Variants in VDR observed in about 807,000 individuals in gnomAD.
The protein encoded by VDR is vitamin D3 receptor.
A neutral mutation model predicts 39.7 loss-of-function variants in VDR; 19 were observed. That is an observed-to-expected ratio of 0.48 (90% CI 0.33 to 0.70). VDR has a LOEUF of 0.70. Among genes scored for constraint, VDR ranks in the 30% least tolerant of loss-of-function variants. The pLI is 0.02. For synonymous variants in VDR, 242 were observed against 215.8 expected (o/e 1.12, Z -1.07); for missense variants, 442 against 570.5 (o/e 0.77, Z 2.29).
intron 3 of VDR, among the ~76,000 whole-genome samples, chr12:47,875,733 C>T (rs932428617): frequency 1.3e-5 from 2 of 152,198 alleles, no homozygotes; most frequent in African/African-American, 4.8e-5. Context: ...GGAGGAAACA[C>T]AGGGTGAGGT....
At chr12:47,872,345 G>A (rs1369666543) in intron 3 of VDR, among the ~76,000 whole-genome samples, 1 of 152,216 alleles carries the variant, frequency 6.6e-6, no homozygotes, top group Non-Finnish European at 1.5e-5. Flanking sequence ...AGGGAAAGAA[G>A]AGAAACTAGC....
chr12:47,859,900 TC>T (rs1945580231), intron 4 of VDR, among the ~76,000 whole-genome samples: 10 of 40,436 alleles, frequency 2.5e-4, no homozygotes, highest in African/African-American at 6.4e-4. Flanking sequence ...CTTCCTTCCT[TC>T]CTTCCTTCCT....
intron 1 of VDR, among the ~76,000 whole-genome samples, chr12:47,885,380 C>T (rs927550014): frequency 1.3e-5 from 2 of 152,256 alleles, no homozygotes; most frequent in Non-Finnish European, 2.9e-5. Flanking sequence ...CTCTCCTACA[C>T]GTCTGCCTGT....
Position 47,873,351 on chromosome 12 carries a change from CTTTT to C in VDR, c.146+5613_146+5616del, listed in dbSNP as rs71077177. 6.1e-5 allele frequency among the ~76,000 whole-genome samples: 6 copies of C among 98,454 alleles called. No individual in the cohort carries two copies. In the East Asian group the frequency reaches 1.3e-3, roughly 21 times the overall value. The allele number at this position is 98,454 out of a possible 152,430, so 64.6% of individuals were successfully genotyped here. On this transcript the variant is annotated intron_variant, in intron 3 of 9. Coordinates refer to ENST00000549336, the MANE Select transcript of VDR (RefSeq NM_000376.3). ...ACCATGAGTCAATTAAACCTGTTTTCTTTTTTTTTTTTTTTTTTTTTTTTTTTTT... is the reference window on the plus strand; with the variant it reads ...ACCATGAGTCAATTAAACCTGTTTTCTTTTTTTTTTTTTTTTTTTTTTTTT...
At chr12:47,862,286 A>G (rs2137159202) in intron 4 of VDR, among the ~76,000 whole-genome samples, 1 of 152,324 alleles carries the variant, frequency 6.6e-6, no homozygotes, top group East Asian at 1.9e-4. Flanking sequence ...CTCTTAGAGC[A>G]TGTGAAAGTG....
intron 1 of VDR, among the ~76,000 whole-genome samples, chr12:47,891,831 T>A (rs1030422952): frequency 6.6e-6 from 1 of 152,202 alleles, no homozygotes; most frequent in African/African-American, 2.4e-5. Flanking sequence ...TAGTGGGACC[T>A]GAAGCTTGAC....
chr12:47,846,126 C>T (rs984559332), intron 9 of VDR, among the ~76,000 whole-genome samples: 10 of 152,260 alleles, frequency 6.6e-5, no homozygotes, highest in African/African-American at 2.4e-4. Context: ...CGCCTGCACA[C>T]TCTGCAAGGC....
chr12:47,857,472 G>C (rs368556619), intron 5 of VDR, 32 bp downstream of exon 5: 3 of 1,613,946 alleles, frequency 1.9e-6, no homozygotes, highest in Non-Finnish European at 2.5e-6. Context: ...TTCTCCTCTG[G>C]ACCGGCTCAT....
chr12:47,859,921 CTTTTTCTTTCTTTCTTTCT>C (rs1945587486), intron 4 of VDR, among the ~76,000 whole-genome samples: 40 of 67,618 alleles, frequency 5.9e-4, no homozygotes, highest in East Asian at 7.7e-4. Context: ...TTCCTTCTTT[CTTTTTCTTTCTTTCTTTCT>C]TTCTTTCTTT....
intron 3 of VDR, among the ~76,000 whole-genome samples, chr12:47,873,259 C>T (rs1385398268): frequency 6.6e-6 from 1 of 151,856 alleles, no homozygotes; most frequent in East Asian, 1.9e-4. Flanking sequence ...CCATGTAAGA[C>T]AGGCCTTGCT....
chr12:47,849,544 G>A (rs1256632871), intron 7 of VDR, among the ~76,000 whole-genome samples: 1 of 152,184 alleles, frequency 6.6e-6, no homozygotes, highest in Non-Finnish European at 1.5e-5. Context: ...CTAGCCATGG[G>A]ACTTCCTTTG....
rs752094022 is a variant in VDR, at chr12:47,899,955, A to G, written c.-84+5000T>C. The G allele has an allele frequency of 6.1e-4, 599 of 985,568 alleles. No individual in the cohort carries two copies. The highest frequency in any genetic ancestry group is 6.7e-4 in the Non-Finnish European group (557 of 829,890). 61.1% of individuals were successfully genotyped at this position (985,568 alleles called of 1,614,324 possible). A position where few individuals can be genotyped will look rare whatever the true frequency, so the allele number is the denominator to read the frequency against. The stretch of plus-strand genomic sequence containing the variant: ...TCCGTCCAGCTGGGCTAGGTTCAGG[A>G]GCCCTTAAGGGATAGCCAGGAGAGG... On this transcript the variant is annotated intron_variant, in intron 1 of 9. Transcript: ENST00000549336.
rs542257769 is a variant in VDR at position 47,875,339 on chromosome 12, G to C, written c.146+3629C>G. On this transcript the variant is annotated intron_variant, in intron 3 of 9. Transcript: ENST00000549336. ...AGTGACCCAATATTCAAGCAATGCTGTCTGTCAATAACTATCAGGAAATGG... is the reference window on the plus strand; with the variant it reads ...AGTGACCCAATATTCAAGCAATGCTCTCTGTCAATAACTATCAGGAAATGG... 1.1e-4 allele frequency among the ~76,000 whole-genome samples: 17 copies of C among 152,310 alleles called. 1 individual carries two copies. Among genetic ancestry groups the C allele is most frequent in the Admixed American group, 7.8e-4 (12 of 15,306 alleles).
At chr12:47,898,658 T>A (rs1482182655) in intron 1 of VDR, 2 of 154,838 alleles carry the variant, frequency 1.3e-5, no homozygotes, top group Non-Finnish European at 2.9e-5. Flanking sequence ...TCGTGGTGTA[T>A]TTTTCCAATG....
At chr12:47,889,707 C>A (rs982607721) in intron 1 of VDR, among the ~76,000 whole-genome samples, 2 of 152,256 alleles carry the variant, frequency 1.3e-5, no homozygotes, top group African/African-American at 4.8e-5. Flanking sequence ...GAAATAGAAA[C>A]TGGGGCATCC....
At chr12:47,879,304 A>G (rs529030171) in intron 2 of VDR, among the ~76,000 whole-genome samples, 189 bp from the exon 3 acceptor site, 4 of 151,374 alleles carry the variant, frequency 2.6e-5, no homozygotes, top group Non-Finnish European at 5.9e-5. Context: ...CTCATACATG[A>G]TTCGCCCTAC....
intron 3 of VDR, among the ~76,000 whole-genome samples, chr12:47,873,280 C>T (rs1220569897): frequency 6.6e-6 from 1 of 151,788 alleles, no homozygotes; most frequent in African/African-American, 2.4e-5. Context: ...TCCCCTTTAC[C>T]TTCCGCCATG....
chr12:47,853,261 T>A lies in VDR; in HGVS notation c.755+2369A>T, dbSNP rs571159636. Among the ~76,000 whole-genome samples the A allele has an allele frequency of 4.0e-5, 6 of 149,720 alleles. 1 individual carries two copies. In the South Asian group the frequency reaches 1.3e-3, roughly 32 times the overall value. On this transcript the variant is annotated intron_variant, in intron 7 of 9. Transcript: ENST00000549336. ...ATCAAGACCATCCTGGCTAACACGGTGAAACCCTGTCTCTACTAAAAATAC... is the reference window on the plus strand; with the variant it reads ...ATCAAGACCATCCTGGCTAACACGGAGAAACCCTGTCTCTACTAAAAATAC...
chr12:47,904,680 G>C (rs770318292), intron 1 of VDR: 3 of 1,518,762 alleles, frequency 2.0e-6, no homozygotes, highest in South Asian at 2.4e-5. Context: ...TGTTGCCCAA[G>C]TGCTAAGCAC....
Sources: gnomAD v4.1 joint callset for allele counts (sites outside exome capture counted in the v4.1 genomes callset) on GRCh38, gnomAD v4.1.1 for gene constraint, MANE v1.5 for transcripts, NCBI Gene and HGNC (gene_info 2026-07-23, HGNC 2026-07-21) for gene names.